Variants in CSMD1 observed in about 807,000 individuals in gnomAD.
CSMD1 encodes CUB and sushi domain-containing protein 1.
CSMD1 carries 213 observed loss-of-function variants against 417.5 expected under a neutral mutation model. The observed-to-expected ratio is 0.51, with a 90% CI of 0.46 to 0.57. The LOEUF is 0.57. CSMD1 is among the 20% of genes least tolerant of loss of function. CSMD1 has a pLI of 0.00. For missense variants in CSMD1, 6,923 were observed against 4,529.7 expected (o/e 1.53, Z -15.17); for synonymous variants, 2,862 against 1,736.8 (o/e 1.65, Z -16.11).
chr8:4,140,955 G>A (rs575705643), intron 3 of CSMD1, among the ~76,000 whole-genome samples: 4 of 151,094 alleles, frequency 2.6e-5, no homozygotes, highest in East Asian at 3.9e-4. Flanking sequence ...AAAAGTCCTC[G>A]TATCTCAATA....
chr8:4,519,195 C>T (rs185021944), intron 2 of CSMD1, among the ~76,000 whole-genome samples: 9 of 152,172 alleles, frequency 5.9e-5, no homozygotes, highest in Admixed American at 5.2e-4. Context: ...TAATAAATTA[C>T]TAGATCTTTG....
intron 5 of CSMD1, among the ~76,000 whole-genome samples, chr8:3,788,160 A>G (rs1360329101): frequency 6.6e-6 from 1 of 152,234 alleles, no homozygotes; most frequent in East Asian, 1.9e-4. Flanking sequence ...TCATTTGTAA[A>G]ACAAGGGATT....
chr8:4,214,226 A>C lies in CSMD1; in HGVS notation c.416-182127T>G, dbSNP rs115495364. Among the ~76,000 whole-genome samples, 302 of 152,304 alleles carry C rather than the reference A, an allele frequency of 2.0e-3. 3 individuals carry two copies. The highest frequency in any genetic ancestry group is 7.0e-3 in the African/African-American group (290 of 41,574). ...AGATGGAAATTAAATGAATGGACTA[A>C]AATGGAAGTAAGCCTTGAAATGTTT... On this transcript the variant is annotated intron_variant, in intron 3 of 69. Coordinates refer to ENST00000635120, the MANE Select transcript of CSMD1 (RefSeq NM_033225.6).
At position 3,539,685 on chromosome 8, in the gene CSMD1, C is replaced by G. The variant is rs367550702; in HGVS notation, c.1344+35260G>C. 3.3e-5 allele frequency among the ~76,000 whole-genome samples: 5 copies of G among 150,904 alleles called. No homozygotes were observed. The South Asian group carries it at 1.0e-3, about 32-fold the overall frequency. On this transcript the variant is annotated intron_variant, in intron 10 of 69. Coordinates refer to ENST00000635120, the MANE Select transcript of CSMD1 (RefSeq NM_033225.6). ...CCTTGTCACCCACTAAGAACCAAAT[C>G]AAGTGTGGGATAACAGTGTTTAAAA...
chr8:3,374,016 G>C (rs1810149053), intron 18 of CSMD1, among the ~76,000 whole-genome samples: 1 of 149,522 alleles, frequency 6.7e-6, no homozygotes, highest in African/African-American at 2.5e-5. Flanking sequence ...GCAGTGGTGA[G>C]ATCTTGGCTC....
rs375954521 is a variant in CSMD1 at position 3,575,032 on chromosome 8, G to C, written c.1257C>G (p.Ser419Arg). The stretch of plus-strand genomic sequence containing the variant: ...GATAATTAGGGGAGGTAATGACGCC[G>C]CTGGGCCCACGCAGATTGGATCCAC... ...RTCGSNLRGP[S>R]GVITSPNYPV... Residue 419 changes from serine (S) to arginine (R), a missense_variant, in exon 10 of 70, where the codon AGC (serine) becomes AGG (arginine). By Grantham distance (110) the Ser-to-Arg change is moderately radical. Coordinates refer to ENST00000635120, the MANE Select transcript of CSMD1 (RefSeq NM_033225.6). The C allele has an allele frequency of 1.2e-6, 2 of 1,613,378 alleles. No individual in the cohort carries two copies. Among genetic ancestry groups the C allele is most frequent in the Middle Eastern group, 1.7e-4 (1 of 5,828 alleles).
intron 3 of CSMD1, among the ~76,000 whole-genome samples, chr8:4,061,818 C>T (rs190747509): frequency 1.8e-4 from 27 of 152,248 alleles, no homozygotes; most frequent in African/African-American, 6.3e-4. Context: ...TTAAATGATG[C>T]TTCACTTTAG....
At chr8:4,537,646 C>A (rs1291302430) in intron 2 of CSMD1, among the ~76,000 whole-genome samples, 3 of 152,102 alleles carry the variant, frequency 2.0e-5, no homozygotes, top group Non-Finnish European at 4.4e-5. Context: ...TCAAATTAAG[C>A]ATTGATTTGC....
chr8:4,026,882 G>T (rs1023880469), intron 4 of CSMD1, among the ~76,000 whole-genome samples: 10 of 152,188 alleles, frequency 6.6e-5, no homozygotes, highest in Non-Finnish European at 1.3e-4. Flanking sequence ...ATTTGGCAAG[G>T]TGTAGTATGC....
intron 5 of CSMD1, among the ~76,000 whole-genome samples, chr8:3,991,176 C>G (rs1814718042): frequency 1.3e-5 from 2 of 152,178 alleles, no homozygotes; most frequent in East Asian, 3.9e-4. Context: ...GCCTAATCCA[C>G]CCAGGTGAAA....
chr8:3,785,585 T>C (rs771142385), intron 5 of CSMD1, among the ~76,000 whole-genome samples: 4 of 152,230 alleles, frequency 2.6e-5, no homozygotes, highest in South Asian at 4.1e-4. Context: ...GAACACTTAA[T>C]TGGATCATTT....
chr8:4,789,467 G>A (rs148364380), intron 1 of CSMD1, among the ~76,000 whole-genome samples: 144 of 152,096 alleles, frequency 9.5e-4, no homozygotes, highest in African/African-American at 3.2e-3. Flanking sequence ...GCATTTAAAC[G>A]CCTGGCACCT....
At chr8:3,726,780 C>G (rs1011762759) in intron 6 of CSMD1, among the ~76,000 whole-genome samples, 12 of 152,094 alleles carry the variant, frequency 7.9e-5, no homozygotes, top group African/African-American at 1.7e-4. Context: ...CTTAGCATGC[C>G]CTCTGATGGA....
At chr8:3,925,053 C>T (rs1809554265) in intron 5 of CSMD1, among the ~76,000 whole-genome samples, 1 of 152,186 alleles carries the variant, frequency 6.6e-6, no homozygotes, top group African/African-American at 2.4e-5. Flanking sequence ...CTGTGGGTCT[C>T]TGCATCTGTT....
In CSMD1 at chr8:4,032,069, C is replaced by A. The variant is rs369926934; in HGVS notation, c.446G>T (p.Gly149Val). Residue 149 changes from glycine to valine, a missense_variant, in exon 4 of 70, where the codon GGA becomes GTA. Gly to Val is a moderately radical substitution (Grantham distance 109). Transcript: ENST00000635120. ...VLPSHTCGNP[G>V]EILKGVLHGT... The stretch of plus-strand genomic sequence containing the variant: ...ATGCAGAACTCCTTTCAGGATTTCT[C>A]CAGGATTTCCACAAGTGTGGCTAGG... The A allele has an allele frequency of 5.6e-6, 9 of 1,612,736 alleles. No homozygotes were observed. The East Asian group carries it at 2.0e-4, about 36-fold the overall frequency.
At chr8:3,446,677 A>G (rs2117084389) in intron 12 of CSMD1, among the ~76,000 whole-genome samples, 1 of 152,358 alleles carries the variant, frequency 6.6e-6, no homozygotes, top group African/African-American at 2.4e-5. Flanking sequence ...GTAAAAAGTA[A>G]AAGGTAAATA....
intron 5 of CSMD1, among the ~76,000 whole-genome samples, chr8:3,843,842 G>A (rs115739902): frequency 1.7e-4 from 26 of 152,242 alleles, no homozygotes; most frequent in African/African-American, 6.0e-4. Flanking sequence ...TGGATATAAT[G>A]TACCTTCGAA....
intron 1 of CSMD1, among the ~76,000 whole-genome samples, chr8:4,681,412 C>A (rs999117460): frequency 2.6e-5 from 4 of 152,176 alleles, no homozygotes; most frequent in African/African-American, 9.7e-5. Flanking sequence ...TTCCCTCTTT[C>A]CATCATCTTT....
At chr8:3,851,696 G>GA (rs1218467228) in intron 5 of CSMD1, among the ~76,000 whole-genome samples, 7 of 152,036 alleles carry the variant, frequency 4.6e-5, no homozygotes, top group South Asian at 2.1e-4. Flanking sequence ...GAAGAAAAGA[G>GA]AAAAAAGCAG....
Sources: gnomAD v4.1 joint callset for allele counts (sites outside exome capture counted in the v4.1 genomes callset) on GRCh38, gnomAD v4.1.1 for gene constraint, MANE v1.5 for transcripts, NCBI Gene and HGNC (gene_info 2026-07-23, HGNC 2026-07-21) for gene names.